Variants in BTBD9 observed in about 807,000 individuals in gnomAD.
BTBD9 encodes BTB/POZ domain-containing protein 9.
A neutral mutation model predicts 64.3 loss-of-function variants in BTBD9; 49 were observed. The observed-to-expected ratio is 0.76, with a 90% CI of 0.61 to 0.97. BTBD9 has a LOEUF of 0.97. BTBD9 is among the 50% of genes least tolerant of loss of function. The probability of loss-of-function intolerance (pLI) is 0.00; values close to 1 mark genes in which losing one functional copy is unlikely to be tolerated. For missense variants in BTBD9, 598 were observed against 762.1 expected, an observed-to-expected ratio of 0.78 and a Z score of 2.53; for synonymous variants, 260 against 274.7, an observed-to-expected ratio of 0.95 and a Z score of 0.53.
At chr6:38,289,615 A>G (rs1455682502) in intron 7 of BTBD9, among the ~76,000 whole-genome samples, 2 of 152,222 alleles carry the variant, frequency 1.3e-5, no homozygotes. Flanking sequence ...AACCCATTTC[A>G]GAATATACAG....
intron 8 of BTBD9, among the ~76,000 whole-genome samples, chr6:38,286,824 G>A (rs2127554435): frequency 6.6e-6 from 1 of 152,186 alleles, no homozygotes; most frequent in Non-Finnish European, 1.5e-5. Flanking sequence ...GCTCATGCCT[G>A]TAATCCCAGC....
In BTBD9 at chr6:38,174,673, C is replaced by G. The variant is rs1766920710; in HGVS notation, c.*312G>C. On this transcript the variant is annotated 3_prime_UTR_variant, in exon 11 of 11. Coordinates refer to ENST00000481247, the MANE Select transcript of BTBD9 (RefSeq NM_001099272.2). ...TTTTTGTATTCCAACACAGGCCTGT[C>G]TATGACTTCCTCCTGTTCCCTGCGC... The G allele has an allele frequency of 5.4e-6, 2 of 367,632 alleles. No individual in the cohort carries two copies. The highest frequency in any genetic ancestry group is 1.2e-4 in the South Asian group (2 of 16,552). The allele number at this position is 367,632 out of a possible 1,614,324, so 22.8% of individuals were successfully genotyped here.
chr6:38,407,442 T>C (rs368534102), intron 6 of BTBD9, among the ~76,000 whole-genome samples: 6 of 152,094 alleles, frequency 3.9e-5, no homozygotes, highest in African/African-American at 1.4e-4. Flanking sequence ...ACTTATCCAG[T>C]ATGCCTGTGT....
intron 9 of BTBD9, 29 bp downstream of exon 9, chr6:38,256,380 G>A (rs1013808273): frequency 2.0e-6 from 3 of 1,502,310 alleles, no homozygotes; most frequent in Non-Finnish European, 2.8e-6. Context: ...TTTTCAATAG[G>A]AATAAATTCC....
At chr6:38,542,542 G>A (rs559019879) in intron 6 of BTBD9, among the ~76,000 whole-genome samples, 1 of 152,218 alleles carries the variant, frequency 6.6e-6, no homozygotes, top group African/African-American at 2.4e-5. Context: ...TGCCACCCAT[G>A]AGATCCTATC....
intron 6 of BTBD9, among the ~76,000 whole-genome samples, chr6:38,543,729 G>A (rs566078731): frequency 1.2e-3 from 182 of 152,146 alleles, no homozygotes; most frequent in Non-Finnish European, 1.7e-3. Flanking sequence ...AGGCCGAGAC[G>A]GGCGGATCAC....
intron 6 of BTBD9, among the ~76,000 whole-genome samples, chr6:38,493,952 C>A (rs1318334645): frequency 6.6e-6 from 1 of 152,158 alleles, no homozygotes; most frequent in Non-Finnish European, 1.5e-5. Context: ...TTAAACATTT[C>A]GATAACTTGA....
intron 9 of BTBD9, among the ~76,000 whole-genome samples, chr6:38,246,135 A>T (rs1193824731): frequency 6.6e-6 from 1 of 152,192 alleles, no homozygotes. Flanking sequence ...TAAATTTAGA[A>T]CTCAGGCAAT....
intron 7 of BTBD9, among the ~76,000 whole-genome samples, chr6:38,311,702 T>C (rs951812978): frequency 4.6e-5 from 7 of 152,206 alleles, no homozygotes; most frequent in Non-Finnish European, 8.8e-5. Context: ...CCGCCAACAG[T>C]GTACAAGGGT....
At position 38,184,962 on chromosome 6, in the gene BTBD9, T is replaced by C. The variant is rs1329368338; in HGVS notation, c.1641+7557A>G. The stretch of plus-strand genomic sequence containing the variant: ...GCAGCTCAAGTAGCCACTTGCAGAC[T>C]TTCTGTCCTGCTGCTGTCGGCCCAT... On this transcript the variant is annotated intron_variant, in intron 10 of 10. Coordinates refer to ENST00000481247, the MANE Select transcript of BTBD9 (RefSeq NM_001099272.2). The surrounding 1 kb of genome is among the most constrained non-coding windows in gnomAD (Gnocchi z 4.4). Among the ~76,000 whole-genome samples the C allele has an allele frequency of 6.6e-6, 1 of 152,160 alleles. No homozygotes were observed. The highest frequency in any genetic ancestry group is 1.5e-5 in the Non-Finnish European group (1 of 68,034).
chr6:38,566,275 T>C (rs545555095), intron 6 of BTBD9, among the ~76,000 whole-genome samples: 16 of 152,302 alleles, frequency 1.1e-4, no homozygotes, highest in Admixed American at 8.5e-4. Context: ...ATTTTAAATG[T>C]ATTAGAGGAA....
intron 6 of BTBD9, among the ~76,000 whole-genome samples, chr6:38,426,639 T>C (rs947182778): frequency 3.3e-5 from 5 of 151,898 alleles, no homozygotes; most frequent in African/African-American, 4.9e-5. Flanking sequence ...CCACTCCCGA[T>C]TGGGCTAAAG....
chr6:38,278,161 T>C (rs1761353524), intron 8 of BTBD9, among the ~76,000 whole-genome samples: 1 of 152,238 alleles, frequency 6.6e-6, no homozygotes, highest in Non-Finnish European at 1.5e-5. Flanking sequence ...GCTAAAACTG[T>C]AGTCCCTATC....
At chr6:38,273,129 T>C (rs1251101587) in intron 8 of BTBD9, among the ~76,000 whole-genome samples, 2 of 152,220 alleles carry the variant, frequency 1.3e-5, no homozygotes, top group African/African-American at 4.8e-5. Context: ...TGCTTATGCC[T>C]GAACAGCTTC....
At chr6:38,478,462 T>G (rs1249336803) in intron 6 of BTBD9, among the ~76,000 whole-genome samples, 1 of 152,160 alleles carries the variant, frequency 6.6e-6, no homozygotes, top group Non-Finnish European at 1.5e-5. Context: ...TTTTAGAGAA[T>G]TACATGGCCG....
At chr6:38,208,418 TG>T (rs1762726433) in intron 9 of BTBD9, among the ~76,000 whole-genome samples, 1 of 152,194 alleles carries the variant, frequency 6.6e-6, no homozygotes, top group African/African-American at 2.4e-5. Flanking sequence ...TATCTAAAGA[TG>T]ATCTATGGAC....
chr6:38,351,663 GCTA>G (rs1182462664), intron 6 of BTBD9, among the ~76,000 whole-genome samples: 1 of 151,866 alleles, frequency 6.6e-6, no homozygotes, highest in Non-Finnish European at 1.5e-5. Flanking sequence ...TACCACGCCG[GCTA>G]CTTTTTTGAT....
At chr6:38,209,827 T>C (rs1307320879) in intron 9 of BTBD9, among the ~76,000 whole-genome samples, 1 of 152,230 alleles carries the variant, frequency 6.6e-6, no homozygotes, top group Admixed American at 6.5e-5. Context: ...CATTTGATGC[T>C]TTCTGGCAGA....
intron 1 of BTBD9, among the ~76,000 whole-genome samples, chr6:38,619,064 T>C (rs1230345403): frequency 6.6e-6 from 1 of 152,184 alleles, no homozygotes; most frequent in African/African-American, 2.4e-5. Context: ...ATGTCCACCA[T>C]AACTCAGGGA....
Sources: allele counts gnomAD v4.1 joint callset (sites outside exome capture counted in the v4.1 genomes callset), GRCh38; gene constraint gnomAD v4.1.1; non-coding constraint Gnocchi (gnomAD v3.1); transcripts MANE v1.5; gene names NCBI Gene and HGNC (gene_info 2026-07-23, HGNC 2026-07-21).